Variants in FHIT observed in about 807,000 individuals in gnomAD.
FHIT encodes the protein fragile histidine triad diadenosine triphosphatase.
A neutral mutation model predicts 17.9 loss-of-function variants in FHIT; 19 were observed. The observed-to-expected ratio is 1.06, with a 90% CI of 0.74 to 1.56. The LOEUF (loss-of-function observed/expected upper bound fraction) is 1.56, where lower values mean the gene tolerates loss of function less well. Ranked by LOEUF, FHIT falls within the 40% of genes most tolerant of loss-of-function variation. FHIT has a pLI of 0.00. For missense variants in FHIT, 248 were observed against 189.2 expected (o/e 1.31, Z -1.82); for synonymous variants, 81 against 69.7 (o/e 1.16, Z -0.81).
intron 4 of FHIT, among the ~76,000 whole-genome samples, chr3:60,775,739 G>A (rs13073028): frequency 0.34 from 51,456 of 151,790 alleles, 8,881 homozygotes; most frequent in Non-Finnish European, 0.35. Flanking sequence ...TCCTTTTTTG[G>A]GATGGACCGG....
chr3:60,140,086 A>G (rs1038280273), intron 5 of FHIT, among the ~76,000 whole-genome samples: 16 of 152,172 alleles, frequency 1.1e-4, no homozygotes, highest in Admixed American at 9.2e-4. Flanking sequence ...GTACCACTGC[A>G]CAACAGCCTG....
intron 1 of FHIT, among the ~76,000 whole-genome samples, chr3:61,230,862 C>G (rs923868911): frequency 9.2e-5 from 14 of 152,154 alleles, no homozygotes; most frequent in African/African-American, 3.4e-4. Context: ...TATCACAGAA[C>G]AATCTATTAA....
chr3:60,155,517 C>A (rs1320892995), intron 5 of FHIT, among the ~76,000 whole-genome samples: 1 of 152,150 alleles, frequency 6.6e-6, no homozygotes, highest in Non-Finnish European at 1.5e-5. Flanking sequence ...TTTGCCTTTG[C>A]AGAACTGCCC....
intron 5 of FHIT, among the ~76,000 whole-genome samples, chr3:60,195,546 G>GATATATATATATAT (rs1223456537): frequency 1.1e-4 from 2 of 18,888 alleles, no homozygotes; most frequent in Non-Finnish European, 1.6e-4. Context: ...AGGAAAATGT[G>GATATATATATATAT]ATATATATAT....
intron 5 of FHIT, among the ~76,000 whole-genome samples, chr3:60,484,776 CA>C (rs1327593736): frequency 6.6e-6 from 1 of 152,140 alleles, no homozygotes; most frequent in Non-Finnish European, 1.5e-5. Flanking sequence ...ATGCCAAAAG[CA>C]ATTGCAACAA....
rs9878477 is a variant in FHIT, at chr3:60,995,352, A to C, written c.-111+46695T>G. 9.9e-3 allele frequency among the ~76,000 whole-genome samples: 1,494 copies of C among 151,548 alleles called. 24 individuals are homozygous for C. The highest frequency in any genetic ancestry group is 0.033 in the African/African-American group (1,377 of 41,152). On this transcript the variant is annotated intron_variant, in intron 3 of 9. Coordinates refer to ENST00000492590, the MANE Select transcript of FHIT (RefSeq NM_002012.4). ...TAATAATAATAATAATAGTTTAATA[A>C]CTCTGCTGCTGCCTCAAAGGTCAAC...
intron 4 of FHIT, among the ~76,000 whole-genome samples, chr3:60,800,275 A>G (rs576815586): frequency 4.6e-5 from 7 of 152,324 alleles, no homozygotes; most frequent in South Asian, 4.2e-4. Flanking sequence ...CTTGATTTCT[A>G]CATTTATTAT....
intron 7 of FHIT, among the ~76,000 whole-genome samples, chr3:59,954,294 T>G (rs78311998): frequency 0.047 from 7,021 of 150,060 alleles, 219 homozygotes; most frequent in Admixed American, 0.097. Context: ...CATTCAGGCT[T>G]GGGTCTGAAG....
At position 59,974,117 on chromosome 3, in the gene FHIT, T is replaced by G. The variant is rs925459509; in HGVS notation, c.279+37254A>C. Among the ~76,000 whole-genome samples, 10 of 152,270 alleles carry G rather than the reference T, an allele frequency of 6.6e-5. No homozygotes were observed. In the East Asian group the frequency reaches 1.9e-3, roughly 29 times the overall value. ...TTGCTATAGCCTTAGCAATCTATAC[T>G]GGCCATAAAGGCAAGCCAAAGGGAA... On this transcript the variant is annotated intron_variant, in intron 7 of 9. Coordinates refer to ENST00000492590, the MANE Select transcript of FHIT (RefSeq NM_002012.4).
intron 4 of FHIT, among the ~76,000 whole-genome samples, chr3:60,594,848 T>C (rs2038207206): frequency 6.6e-6 from 1 of 152,108 alleles, no homozygotes; most frequent in Non-Finnish European, 1.5e-5. Flanking sequence ...TTCTCCATCC[T>C]GCAGCATCTT....
At chr3:60,807,395 A>G (rs1701431904) in intron 4 of FHIT, among the ~76,000 whole-genome samples, 1 of 151,118 alleles carries the variant, frequency 6.6e-6, no homozygotes, top group African/African-American at 2.4e-5. Context: ...CAACATAGGG[A>G]CACCCTGTCT....
intron 8 of FHIT, among the ~76,000 whole-genome samples, chr3:59,804,868 C>T (rs543152414): frequency 6.6e-6 from 1 of 152,268 alleles, no homozygotes; most frequent in Admixed American, 6.5e-5. Flanking sequence ...AGCGAACAGC[C>T]GAGGACTGTC....
At chr3:60,595,374 C>CT (rs34376484) in intron 4 of FHIT, among the ~76,000 whole-genome samples, 54,863 of 144,944 alleles carry the variant, frequency 0.38, 10,515 homozygotes, top group East Asian at 0.61. Context: ...CCATGTTAGT[C>CT]TTTTTTTTTT....
At chr3:61,078,906 A>T (rs1213054448) in intron 2 of FHIT, among the ~76,000 whole-genome samples, 2 of 152,216 alleles carry the variant, frequency 1.3e-5, no homozygotes, top group Non-Finnish European at 2.9e-5. Flanking sequence ...TGTTTTTTAA[A>T]TATAATTTTC....
intron 7 of FHIT, among the ~76,000 whole-genome samples, chr3:59,944,346 C>T (rs1318078946): frequency 6.6e-6 from 1 of 152,070 alleles, no homozygotes; most frequent in Non-Finnish European, 1.5e-5. Context: ...AATCCATTAC[C>T]ACCCAAATCA....
intron 5 of FHIT, among the ~76,000 whole-genome samples, chr3:60,244,567 C>T (rs1426876296): frequency 1.3e-5 from 2 of 152,022 alleles, no homozygotes; most frequent in African/African-American, 4.8e-5. Context: ...CCAAATGACA[C>T]CGCCTAAACA....
intron 5 of FHIT, among the ~76,000 whole-genome samples, chr3:60,172,439 A>ATTT (rs563530884): frequency 1.8e-4 from 24 of 134,470 alleles, no homozygotes; most frequent in African/African-American, 5.6e-4. Context: ...CTAATTTTGT[A>ATTT]TTTTTTTTTT....
chr3:60,440,337 C>T lies in FHIT; in HGVS notation c.103+96523G>A, dbSNP rs532904493. ...ATGTCATTCTGAGTGCCCTGTTACCCGTCTCTATCTGGAAGATGGTATATA... is the reference window on the plus strand; with the variant it reads ...ATGTCATTCTGAGTGCCCTGTTACCTGTCTCTATCTGGAAGATGGTATATA... On this transcript the variant is annotated intron_variant, in intron 5 of 9. Transcript: ENST00000492590. 5.3e-5 allele frequency among the ~76,000 whole-genome samples: 8 copies of T among 152,134 alleles called. No homozygotes were observed. In the East Asian group the frequency reaches 1.5e-3, roughly 29 times the overall value.
At chr3:60,176,332 A>T (rs1701668378) in intron 5 of FHIT, among the ~76,000 whole-genome samples, 1 of 152,180 alleles carries the variant, frequency 6.6e-6, no homozygotes. Context: ...AGCCTGGGTG[A>T]CAGAGTGAGA....
Sources: gnomAD v4.1 joint callset for allele counts (sites outside exome capture counted in the v4.1 genomes callset) on GRCh38, gnomAD v4.1.1 for gene constraint, MANE v1.5 for transcripts, NCBI Gene and HGNC (gene_info 2026-07-23, HGNC 2026-07-21) for gene names.